The following CHRM3 variants were observed in gnomAD, a reference collection of about 807,000 sequenced individuals.
CHRM3 encodes the protein muscarinic acetylcholine receptor M3.
Under a neutral mutation model 41.8 loss-of-function variants are expected in CHRM3, and 11 were observed. The observed-to-expected ratio is 0.26, with a 90% CI of 0.17 to 0.44. CHRM3 has a LOEUF of 0.44. CHRM3 is among the 20% of genes least tolerant of loss of function. CHRM3 has a pLI of 1.00. For missense variants in CHRM3, 571 were observed against 745.4 expected, an observed-to-expected ratio of 0.77 and a Z score of 2.72; for synonymous variants, 297 against 301.4, an observed-to-expected ratio of 0.99 and a Z score of 0.15.
intron 1 of CHRM3, among the ~76,000 whole-genome samples, chr1:239,428,596 G>A (rs1391834385): frequency 6.6e-6 from 1 of 152,204 alleles, no homozygotes; most frequent in East Asian, 1.9e-4. Context: ...GTAACATTTA[G>A]TCATAAGAAT....
chr1:239,671,793 G>A (rs1674396265), intron 4 of CHRM3, among the ~76,000 whole-genome samples: 1 of 151,244 alleles, frequency 6.6e-6, no homozygotes, highest in Non-Finnish European at 1.5e-5. Context: ...TCTTTTTTTA[G>A]TTTATCAAGG....
chr1:239,802,170 T>G (rs910784558), intron 5 of CHRM3, among the ~76,000 whole-genome samples: 1 of 152,202 alleles, frequency 6.6e-6, no homozygotes, highest in Non-Finnish European at 1.5e-5. Flanking sequence ...CAAGCAGCTT[T>G]GAAATGATGT....
At chr1:239,646,823 G>A (rs1671780650) in intron 4 of CHRM3, among the ~76,000 whole-genome samples, 1 of 152,132 alleles carries the variant, frequency 6.6e-6, no homozygotes. Context: ...GAAAAAGCTT[G>A]AGTAGAAGAA....
intron 4 of CHRM3, among the ~76,000 whole-genome samples, chr1:239,640,125 A>C (rs1670944694): frequency 4.6e-5 from 7 of 151,374 alleles, no homozygotes; most frequent in Admixed American, 3.9e-4. Flanking sequence ...CCACTTGATC[A>C]TGGTGGATAA....
intron 6 of CHRM3, among the ~76,000 whole-genome samples, chr1:239,875,459 CAT>C (rs1677038654): frequency 6.6e-6 from 1 of 152,184 alleles, no homozygotes; most frequent in Non-Finnish European, 1.5e-5. Context: ...ATGTGCTTAA[CAT>C]GTGTCACAAA....
intron 1 of CHRM3, among the ~76,000 whole-genome samples, chr1:239,396,950 T>C (rs1659537579): frequency 6.6e-6 from 1 of 152,234 alleles, no homozygotes. Flanking sequence ...CTGCTTAAAA[T>C]GGCCTAGCAA....
At chr1:239,519,741 CTTTTTT>C (rs386370161) in intron 2 of CHRM3, among the ~76,000 whole-genome samples, 1 of 85,066 alleles carries the variant, frequency 1.2e-5, no homozygotes, top group African/African-American at 4.8e-5. Flanking sequence ...AAAACTAGTT[CTTTTTT>C]TTTTTTTTTT....
chr1:239,466,975 T>C (rs911058959), intron 1 of CHRM3, among the ~76,000 whole-genome samples: 2 of 152,224 alleles, frequency 1.3e-5, no homozygotes, highest in African/African-American at 4.8e-5. Context: ...CCTTTCCTAT[T>C]CACTCTTAAA....
rs994913719 is a variant in CHRM3 at position 239,748,679 on chromosome 1, G to A, written c.-147+70391G>A. On this transcript the variant is annotated intron_variant, in intron 5 of 6. Transcript: ENST00000676153. The surrounding 1 kb of genome is among the most constrained non-coding windows in gnomAD (Gnocchi z 4.3). ...GAAGGAAAGAATGGCCAGGGAATATGTGATTAGTCCAAACTGGATGGATTT... is the reference window on the plus strand; with the variant it reads ...GAAGGAAAGAATGGCCAGGGAATATATGATTAGTCCAAACTGGATGGATTT... Among the ~76,000 whole-genome samples the A allele has an allele frequency of 2.0e-5, 3 of 152,220 alleles. No individual in the cohort carries two copies. The highest frequency in any genetic ancestry group is 4.4e-5 in the Non-Finnish European group (3 of 68,032).
intron 5 of CHRM3, among the ~76,000 whole-genome samples, chr1:239,744,951 C>T (rs181388969): frequency 2.6e-4 from 39 of 152,008 alleles, no homozygotes; most frequent in African/African-American, 8.7e-4. Context: ...ACAGTGCAGG[C>T]GAAGGGACTG....
chr1:239,650,779 G>C (rs1457409412), intron 4 of CHRM3, among the ~76,000 whole-genome samples: 2 of 152,192 alleles, frequency 1.3e-5, no homozygotes, highest in Non-Finnish European at 2.9e-5. Context: ...ATTTTGTATT[G>C]AGAAGCAACA....
At chr1:239,819,587 A>G (rs1227079879) in intron 5 of CHRM3, among the ~76,000 whole-genome samples, 3 of 152,248 alleles carry the variant, frequency 2.0e-5, no homozygotes, top group African/African-American at 7.2e-5. Context: ...GCCTGTAGGA[A>G]AGATTAATGG....
In CHRM3 at chr1:239,915,212, C is replaced by T. The variant is rs546608088; in HGVS notation, c.*5988C>T. On this transcript the variant is annotated 3_prime_UTR_variant, in exon 7 of 7. Coordinates refer to ENST00000676153, the MANE Select transcript of CHRM3 (RefSeq NM_001375978.1). Reference sequence around the variant, plus strand: ...GTAAGCAAAGGGCATGTATCATACTCGCATCTAAAACAGTGTCCACATCTT... The same window carrying T: ...GTAAGCAAAGGGCATGTATCATACTTGCATCTAAAACAGTGTCCACATCTT... The T allele has an allele frequency of 1.2e-5, 2 of 167,206 alleles. No individual in the cohort carries two copies. The highest frequency in any genetic ancestry group is 4.8e-5 in the African/African-American group (2 of 41,574). The allele number at this position is 167,206 out of a possible 1,614,324, so 10.4% of individuals were successfully genotyped here. A position where few individuals can be genotyped will look rare whatever the true frequency, so the allele number is the denominator to read the frequency against.
At chr1:239,813,081 C>A (rs918341898) in intron 5 of CHRM3, among the ~76,000 whole-genome samples, 2 of 152,244 alleles carry the variant, frequency 1.3e-5, no homozygotes, top group South Asian at 4.1e-4. Flanking sequence ...AGTTTGAGAC[C>A]AGCCTGGCCA....
At chr1:239,889,543 T>C (rs963326167) in intron 6 of CHRM3, among the ~76,000 whole-genome samples, 7 of 152,192 alleles carry the variant, frequency 4.6e-5, no homozygotes, top group Non-Finnish European at 7.3e-5. Context: ...TTCAGGCTGC[T>C]TTTTATTAGA....
chr1:239,594,257 G>C (rs1407293730), intron 3 of CHRM3, among the ~76,000 whole-genome samples: 2 of 152,298 alleles, frequency 1.3e-5, no homozygotes, highest in Middle Eastern at 3.4e-3. Flanking sequence ...GTACTACTTG[G>C]CAGTTTGTTG....
At chr1:239,461,720 G>T (rs185635886) in intron 1 of CHRM3, among the ~76,000 whole-genome samples, 1 of 152,102 alleles carries the variant, frequency 6.6e-6, no homozygotes, top group Admixed American at 6.6e-5. Context: ...TCTCCCTGGA[G>T]ATTTCTAATG....
chr1:239,432,174 G>T (rs910060682), intron 1 of CHRM3, among the ~76,000 whole-genome samples: 1 of 152,136 alleles, frequency 6.6e-6, no homozygotes, highest in South Asian at 2.1e-4. Context: ...TCTGGATAAG[G>T]AAGAGGAAGA....
At chr1:239,548,297 C>A (rs1659484899) in intron 3 of CHRM3, among the ~76,000 whole-genome samples, 1 of 152,092 alleles carries the variant, frequency 6.6e-6, no homozygotes, top group African/African-American at 2.4e-5. Flanking sequence ...TCTAGTTGAG[C>A]CAGTTGCTGG....
Sources: gnomAD v4.1 joint callset for allele counts (sites outside exome capture counted in the v4.1 genomes callset) on GRCh38, gnomAD v4.1.1 for gene constraint, Gnocchi (gnomAD v3.1) non-coding constraint, MANE v1.5 for transcripts, NCBI Gene and HGNC (gene_info 2026-07-23, HGNC 2026-07-21) for gene names.